Variants in TADA3 observed in about 807,000 individuals in gnomAD.
TADA3 encodes transcriptional adapter 3.
Under a neutral mutation model 43.2 loss-of-function variants are expected in TADA3, and 25 were observed. The observed-to-expected ratio is 0.58, with a 90% confidence interval of 0.42 to 0.81. The LOEUF (loss-of-function observed/expected upper bound fraction) is 0.81. Among genes scored for constraint, TADA3 ranks in the 30% least tolerant of loss-of-function variants. TADA3 has a pLI of 0.00. For synonymous variants in TADA3, 235 were observed against 225.5 expected (o/e 1.04, Z -0.38); for missense variants, 441 against 567.8 (o/e 0.78, Z 2.27).
At position 9,784,186 on chromosome 3, in the gene TADA3, G is replaced by A. The variant is rs2078549212; in HGVS notation, c.948C>T (p.Ser316=). The change falls in exon 8 of 9, where the codon AGC becomes AGT. Residue 316 remains serine (S), a synonymous_variant. Coordinates refer to ENST00000301964, the MANE Select transcript of TADA3 (RefSeq NM_006354.5). ...GGGCAATTAGCTCCTCCTTGATGCG[G>A]CTCTCCAGGGACTTAGTATGCGGCA... ...FSVPHTKSLE[S]RIKEELIAQG... is the part of the protein sequence containing the mutation. 3.1e-6 allele frequency: 5 copies of A among 1,613,800 alleles called. No individual in the cohort carries two copies. The highest frequency in any genetic ancestry group is 1.3e-5 in the African/African-American group (1 of 75,006).
intron 8 of TADA3, chr3:9,781,587 G>A: frequency 2.2e-6 from 1 of 456,532 alleles, no homozygotes; most frequent in Non-Finnish European, 4.4e-6. Context: ...TAGGCAGCCT[G>A]AGGCTGACAG....
At chr3:9,783,059 T>C (rs1431221094) in intron 8 of TADA3, 3 of 152,186 alleles carry the variant, frequency 2.0e-5, no homozygotes, top group Non-Finnish European at 4.4e-5. Context: ...CCTAAAACAC[T>C]GGTCAATTTC....
intron 4 of TADA3, chr3:9,787,727 G>A (rs906550925): frequency 1.2e-5 from 16 of 1,299,356 alleles, no homozygotes; most frequent in African/African-American, 3.0e-5. Context: ...CTCTTTTTCA[G>A]ATAAATTTTT....
At chr3:9,787,778 G>C (rs972846960) in intron 4 of TADA3, 2 of 1,175,492 alleles carry the variant, frequency 1.7e-6, no homozygotes, top group Middle Eastern at 2.2e-4. Context: ...AGATCAAAGT[G>C]TTGTGGCAGC....
chr3:9,787,360 C>A lies in TADA3; in HGVS notation c.565-20G>T. 6.3e-7 allele frequency: 1 copy of A among 1,595,700 alleles called. No individual in the cohort carries two copies. The highest frequency in any genetic ancestry group is 8.5e-7 in the Non-Finnish European group (1 of 1,171,944). ...TGGGATCTGTGGAAAAGATGGCACC[C>A]AACCCTGAGTGGGTAAGCACTGGCC... On this transcript the variant is annotated intron_variant, in intron 4 of 8. Transcript: ENST00000301964.
intron 8 of TADA3, chr3:9,781,715 G>A (rs1008470983): frequency 2.4e-6 from 1 of 418,718 alleles, no homozygotes; most frequent in Non-Finnish European, 5.0e-6. Flanking sequence ...TTTCCAGAAG[G>A]GGAAGGAGAT....
intron 8 of TADA3, chr3:9,783,792 CA>C: frequency 5.6e-6 from 4 of 713,158 alleles, no homozygotes; most frequent in Non-Finnish European, 8.2e-6. Context: ...AAAAACAAAA[CA>C]AAAACAAATC....
At chr3:9,783,925 C>T (rs2078541473) in intron 8 of TADA3, 103 bp downstream of exon 8, 3 of 1,434,000 alleles carry the variant, frequency 2.1e-6, no homozygotes, top group Non-Finnish European at 2.8e-6. Flanking sequence ...ATTTAGAGGC[C>T]AGCCAGGATT....
chr3:9,782,574 T>A (rs1328991429), intron 8 of TADA3, among the ~76,000 whole-genome samples: 1 of 152,172 alleles, frequency 6.6e-6, no homozygotes, highest in African/African-American at 2.4e-5. Context: ...AATCTGCAAG[T>A]CCCTTGCTCT....
chr3:9,784,184 C>T lies in TADA3; in HGVS notation c.950G>A (p.Arg317His), dbSNP rs775825799. 7 of 1,613,424 alleles carry T rather than the reference C, an allele frequency of 4.3e-6. No individual in the cohort carries two copies. Among genetic ancestry groups the T allele is most frequent in the South Asian group, 1.1e-5 (1 of 91,054 alleles). Reference protein sequence around the residue: ...SVPHTKSLESRIKEELIAQGL... With the variant: ...SVPHTKSLESHIKEELIAQGL... The stretch of plus-strand genomic sequence containing the variant: ...CTGGGCAATTAGCTCCTCCTTGATG[C>T]GGCTCTCCAGGGACTTAGTATGCGG... The change falls in exon 8 of 9, where the codon CGC (arginine) becomes CAC (histidine). Residue 317 changes from arginine (R) to histidine (H), a missense_variant. Transcript: ENST00000301964.
Position 9,789,543 on chromosome 3 carries a change from A to G in TADA3, c.530T>C (p.Leu177Pro). 3 of 1,614,158 alleles carry G rather than the reference A, an allele frequency of 1.9e-6. No homozygotes were observed. The highest frequency in any genetic ancestry group is 2.5e-6 in the Non-Finnish European group (3 of 1,180,018). The change falls in exon 4 of 9, where the codon CTG becomes CCG. Residue 177 changes from leucine (L) to proline (P), a missense_variant. Coordinates refer to ENST00000301964, the MANE Select transcript of TADA3 (RefSeq NM_006354.5). The stretch of plus-strand genomic sequence containing the variant: ...CTCAGCCTCATCTTCTGGGGGCTTC[A>G]GTAACTCCTCAAGTGTGCGGACCTC... ...SEEVRTLEEL[L>P]KPPEDEAEHY...
chr3:9,791,409 G>A lies in TADA3; in HGVS notation c.58C>T (p.Leu20=), dbSNP rs1282316487. The change falls in exon 2 of 9, where the codon CTG becomes TTG. Residue 20 remains leucine, a synonymous_variant. Transcript: ENST00000301964. ...QFHDFKSVDH[L]KVCPRYTAVL... ...GCCGTGTAGCGGGGACAGACCTTCA[G>A]GTGATCCACAGACTTGAAGTCGTGG... 6.2e-7 allele frequency: 1 copy of A among 1,614,178 alleles called. No individual in the cohort carries two copies. The highest frequency in any genetic ancestry group is 1.7e-5 in the Admixed American group (1 of 60,020).
intron 8 of TADA3, among the ~76,000 whole-genome samples, chr3:9,781,819 A>G (rs952796008): frequency 1.5e-5 from 2 of 136,912 alleles, no homozygotes; most frequent in Admixed American, 7.4e-5. Context: ...CCATTTCTTC[A>G]TTGCCCATTA....
chr3:9,780,696 C>G (rs1263037265), intron 8 of TADA3, 147 bp from the exon 9 acceptor site: 2 of 712,042 alleles, frequency 2.8e-6, no homozygotes, highest in Admixed American at 5.9e-5. Flanking sequence ...AGTTACTGAC[C>G]TACACTTACA....
At chr3:9,783,978 C>T in intron 8 of TADA3, 50 bp downstream of exon 8, 1 of 1,567,142 alleles carries the variant, frequency 6.4e-7, no homozygotes, top group Non-Finnish European at 8.7e-7. Context: ...CTAGCCGTGG[C>T]CACAGCCTCC....
chr3:9,792,660 A>T (rs1296455337), upstream of TADA3: 1 of 1,232,114 alleles, frequency 8.1e-7, no homozygotes, highest in Non-Finnish European at 1.0e-6. Flanking sequence ...TTGGCGGCCG[A>T]GATCTCCGCG....
chr3:9,784,935 G>T (rs1411131966), intron 7 of TADA3, among the ~76,000 whole-genome samples: 2 of 151,754 alleles, frequency 1.3e-5, no homozygotes, highest in African/African-American at 4.8e-5. Context: ...ATCCATACTG[G>T]GCTACAACTA....
intron 8 of TADA3, among the ~76,000 whole-genome samples, chr3:9,780,866 T>C (rs903113912): frequency 3.9e-5 from 6 of 152,284 alleles, no homozygotes; most frequent in Admixed American, 2.6e-4. Flanking sequence ...TGGCTGCACA[T>C]GGGGGTTCAC....
intron 1 of TADA3, among the ~76,000 whole-genome samples, chr3:9,791,913 C>T (rs1207396509): frequency 1.3e-5 from 2 of 152,172 alleles, no homozygotes; most frequent in Admixed American, 6.6e-5. Flanking sequence ...TCTGCTAAGA[C>T]TTTGAGTTCC....
Sources: gnomAD v4.1 joint callset for allele counts (sites outside exome capture counted in the v4.1 genomes callset) on GRCh38, gnomAD v4.1.1 for gene constraint, MANE v1.5 for transcripts, NCBI Gene and HGNC (gene_info 2026-07-23, HGNC 2026-07-21) for gene names.